Variants in CCDC171 observed in about 807,000 individuals in gnomAD.
The protein encoded by CCDC171 is coiled-coil domain-containing protein 171.
CCDC171 carries 177 observed loss-of-function variants against 168.2 expected under a neutral mutation model. The observed-to-expected ratio is 1.05, with a 90% CI of 0.93 to 1.19. The LOEUF (loss-of-function observed/expected upper bound fraction) is 1.19. Among genes scored for constraint, CCDC171 ranks in the 50% most tolerant of loss-of-function variants. The pLI is 0.00. For missense variants in CCDC171, 1,991 were observed against 1,539.0 expected (o/e 1.29, Z -4.91); for synonymous variants, 687 against 540.8 (o/e 1.27, Z -3.75).
chr9:15,627,487 G>A (rs1016339654), intron 7 of CCDC171, among the ~76,000 whole-genome samples: 1 of 152,128 alleles, frequency 6.6e-6, no homozygotes, highest in Non-Finnish European at 1.5e-5. Context: ...ACGCTGGTTT[G>A]AATGTGTCCC....
At chr9:15,911,003 CAT>C (rs1399630645) in intron 24 of CCDC171, among the ~76,000 whole-genome samples, 5 of 152,160 alleles carry the variant, frequency 3.3e-5, no homozygotes, top group African/African-American at 9.7e-5. Flanking sequence ...CTGCAGTAAA[CAT>C]ATGTGTGCGT....
chr9:15,609,568 A>G (rs992591452), intron 6 of CCDC171, among the ~76,000 whole-genome samples: 9 of 152,206 alleles, frequency 5.9e-5, no homozygotes, highest in African/African-American at 2.2e-4. Context: ...TCCCTGTACT[A>G]GTTATTCAAT....
chr9:15,600,704 C>G (rs1434778752), intron 6 of CCDC171, among the ~76,000 whole-genome samples: 3 of 152,216 alleles, frequency 2.0e-5, no homozygotes, highest in Non-Finnish European at 2.9e-5. Flanking sequence ...TTTCTGCTGC[C>G]TTTTGTTTGG....
At chr9:15,835,657 C>A (rs768651147) in intron 21 of CCDC171, among the ~76,000 whole-genome samples, 10 of 152,140 alleles carry the variant, frequency 6.6e-5, no homozygotes, top group Admixed American at 1.3e-4. Flanking sequence ...GAACTCCTGA[C>A]CTCAAGTGAT....
intron 4 of CCDC171, among the ~76,000 whole-genome samples, chr9:15,584,116 C>T (rs1021209541): frequency 5.8e-4 from 89 of 152,224 alleles, no homozygotes; most frequent in African/African-American, 2.0e-3. Flanking sequence ...ATCCACCCGC[C>T]TCGGCCTCCC....
At chr9:15,757,429 G>A (rs185702096) in intron 18 of CCDC171, among the ~76,000 whole-genome samples, 15 of 152,294 alleles carry the variant, frequency 9.8e-5, no homozygotes, top group Admixed American at 2.0e-4. Flanking sequence ...GTATCTGGTG[G>A]AAGAAATTTC....
At chr9:15,564,345 C>G (rs899919102) in intron 2 of CCDC171, among the ~76,000 whole-genome samples, 8 of 152,182 alleles carry the variant, frequency 5.3e-5, no homozygotes, top group African/African-American at 9.6e-5. Context: ...TTAATTTGGA[C>G]CACAAAAGTC....
At chr9:15,967,747 T>C (rs3008751) in intron 25 of CCDC171, among the ~76,000 whole-genome samples, 40,472 of 152,038 alleles carry the variant, frequency 0.27, 5,762 homozygotes, top group South Asian at 0.36. Flanking sequence ...TTAATCACAC[T>C]ATGTGCTTAG....
At chr9:15,655,202 G>A (rs531792404) in intron 7 of CCDC171, among the ~76,000 whole-genome samples, 2 of 152,026 alleles carry the variant, frequency 1.3e-5, no homozygotes, top group African/African-American at 4.8e-5. Flanking sequence ...CTTGGCTTAG[G>A]GTAAATGGTT....
At chr9:15,593,544 C>A (rs1292746287) in intron 5 of CCDC171, among the ~76,000 whole-genome samples, 3 of 151,686 alleles carry the variant, frequency 2.0e-5, no homozygotes, top group African/African-American at 7.3e-5. Flanking sequence ...TTTCTTTGCC[C>A]CTTTTTCCCT....
At chr9:16,102,072 C>T in the CCDC171 span, among the ~76,000 whole-genome samples, 1 of 152,212 alleles carries the variant, frequency 6.6e-6, no homozygotes, top group African/African-American at 2.4e-5. Context: ...GCAGCCCTCC[C>T]TGCATCCTGT....
chr9:15,944,326 T>C (rs1012019576), intron 25 of CCDC171, among the ~76,000 whole-genome samples: 3 of 152,084 alleles, frequency 2.0e-5, no homozygotes. Context: ...ATCTTTCAGG[T>C]AAAGGCATAA....
chr9:16,036,752 G>A (rs1439313571), intron 8 of CCDC171, among the ~76,000 whole-genome samples: 2 of 152,224 alleles, frequency 1.3e-5, no homozygotes, highest in African/African-American at 4.8e-5. Flanking sequence ...CCTTACTTGG[G>A]TTTGAGGTTT....
chr9:15,758,142 C>G (rs1489329099), intron 18 of CCDC171, among the ~76,000 whole-genome samples: 1 of 152,216 alleles, frequency 6.6e-6, no homozygotes, highest in African/African-American at 2.4e-5. Context: ...ACAGCTCGCA[C>G]TGTTCACTTG....
chr9:15,916,417 A>G (rs1824526421), intron 24 of CCDC171, among the ~76,000 whole-genome samples: 1 of 128,242 alleles, frequency 7.8e-6, no homozygotes, highest in Admixed American at 8.2e-5. Flanking sequence ...TATTTACGTA[A>G]GATATAGAAA....
intron 6 of CCDC171, among the ~76,000 whole-genome samples, chr9:16,025,033 T>G (rs1833247987): frequency 6.6e-6 from 1 of 152,216 alleles, no homozygotes; most frequent in Non-Finnish European, 1.5e-5. Context: ...GTACAGCCAC[T>G]TTGGAAAACA....
intron 21 of CCDC171, among the ~76,000 whole-genome samples, chr9:15,802,489 T>C (rs954252998): frequency 6.6e-6 from 1 of 152,158 alleles, no homozygotes; most frequent in Non-Finnish European, 1.5e-5. Flanking sequence ...CTCCCACTTA[T>C]AAGTGAGAAC....
intron 1 of CCDC171, among the ~76,000 whole-genome samples, chr9:15,558,615 T>G (rs1586943836): frequency 6.6e-6 from 1 of 152,158 alleles, no homozygotes; most frequent in South Asian, 2.1e-4. Flanking sequence ...CTTTGATTCT[T>G]CTCTCTTTTC....
chr9:16,088,074 A>G, the CCDC171 span, among the ~76,000 whole-genome samples: 4 of 152,210 alleles, frequency 2.6e-5, no homozygotes, highest in Non-Finnish European at 5.9e-5. Flanking sequence ...CAACATATGC[A>G]AATCAATAAA....
Sources: gnomAD v4.1 joint callset for allele counts (sites outside exome capture counted in the v4.1 genomes callset) on GRCh38, gnomAD v4.1.1 for gene constraint, MANE v1.5 for transcripts, NCBI Gene and HGNC (gene_info 2026-07-23, HGNC 2026-07-21) for gene names.